EPHB3: variants seen among roughly 807,000 people sequenced by gnomAD.
EPHB3 encodes the protein ephrin type-B receptor 3.
A neutral mutation model predicts 100.2 loss-of-function variants in EPHB3; 33 were observed. The observed-to-expected ratio is 0.33, with a 90% CI of 0.25 to 0.44. The LOEUF is 0.44. Among genes scored for constraint, EPHB3 ranks in the 20% least tolerant of loss-of-function variants. The pLI, the probability that EPHB3 is intolerant of heterozygous loss-of-function variation, is 1.00. For missense variants in EPHB3, 1,045 were observed against 1,378.3 expected (o/e 0.76, Z 3.83); for synonymous variants, 526 against 554.7 (o/e 0.95, Z 0.73).
At chr3:184,575,137 A>G (rs1179408142) in intron 3 of EPHB3, 2 of 985,310 alleles carry the variant, frequency 2.0e-6, no homozygotes, top group African/African-American at 1.7e-5. Flanking sequence ...CAGGGGCCCA[A>G]GGGTAGATGG....
chr3:184,580,181 T>C (rs2108440013), intron 11 of EPHB3, among the ~76,000 whole-genome samples: 1 of 152,350 alleles, frequency 6.6e-6, no homozygotes. Flanking sequence ...GGTTGTAGAA[T>C]GGCAGTGGTA....
At chr3:184,574,852 C>T (rs1714634633) in intron 3 of EPHB3, among the ~76,000 whole-genome samples, 1 of 152,240 alleles carries the variant, frequency 6.6e-6, no homozygotes, top group African/African-American at 2.4e-5. Flanking sequence ...CCCCCTCCCC[C>T]ACTGGCTCAA....
chr3:184,564,928 G>A (rs928004541), intron 1 of EPHB3, among the ~76,000 whole-genome samples: 3 of 152,058 alleles, frequency 2.0e-5, no homozygotes, highest in Non-Finnish European at 4.4e-5. Flanking sequence ...CTACCATTTG[G>A]TTTCGTCAGG....
intron 1 of EPHB3, among the ~76,000 whole-genome samples, chr3:184,567,341 C>A (rs978872355): frequency 1.3e-5 from 2 of 152,224 alleles, no homozygotes; most frequent in Non-Finnish European, 2.9e-5. Context: ...GCTTCCCTTG[C>A]AAGAGTGGCC....
rs766018310 is a variant in EPHB3 at position 184,578,043 on chromosome 3, C to G, written c.1748+37C>G. On this transcript the variant is annotated intron_variant, in intron 8 of 15. Transcript: ENST00000330394. This position sits in a 1 kb window ranked among gnomAD's most constrained non-coding sequence, Gnocchi z 4.7. Reference sequence around the variant, plus strand: ...CCCACTGTTGCTCCATGGGCCGCCTCGAACTGCCCTTTAGCATCCTAGAGC... The same window carrying G: ...CCCACTGTTGCTCCATGGGCCGCCTGGAACTGCCCTTTAGCATCCTAGAGC... 4 of 1,604,832 alleles carry G rather than the reference C, an allele frequency of 2.5e-6. No individual in the cohort carries two copies. Among genetic ancestry groups the G allele is most frequent in the Non-Finnish European group, 2.6e-6 (3 of 1,173,314 alleles).
intron 3 of EPHB3, among the ~76,000 whole-genome samples, chr3:184,574,691 G>C: frequency 6.6e-6 from 1 of 152,204 alleles, no homozygotes; most frequent in East Asian, 1.9e-4. Flanking sequence ...TCCACTTCTC[G>C]ATGGGAATCT....
chr3:184,573,770 T>A lies in EPHB3; in HGVS notation c.856+594T>A, dbSNP rs1714601682. Among the ~76,000 whole-genome samples the A allele has an allele frequency of 6.7e-6, 1 of 148,420 alleles. No individual in the cohort carries two copies. The highest frequency in any genetic ancestry group is 2.1e-4 in the South Asian group (1 of 4,696). ...TTCACAATTGTTGCCTAGGCTGGAG[T>A]GCAATGGCGCGATCTTGGCTTGCTG... On this transcript the variant is annotated intron_variant, in intron 3 of 15. Coordinates refer to ENST00000330394, the MANE Select transcript of EPHB3 (RefSeq NM_004443.4). This position sits in a 1 kb window ranked among gnomAD's most constrained non-coding sequence, Gnocchi z 4.5.
chr3:184,567,483 GTGTGT>G (rs1714416924), intron 1 of EPHB3, among the ~76,000 whole-genome samples: 3 of 83,034 alleles, frequency 3.6e-5, no homozygotes, highest in African/African-American at 1.2e-4. Flanking sequence ...CTTGCAGGGT[GTGTGT>G]GTGTGTGTGT....
intron 1 of EPHB3, among the ~76,000 whole-genome samples, chr3:184,568,592 A>ACCCCCCCCCCCCC (rs113185340): frequency 1.5e-5 from 2 of 131,102 alleles, no homozygotes; most frequent in African/African-American, 2.9e-5. Context: ...GGGTTCTATG[A>ACCCCCCCCCCCCC]CCCCCCCCCC....
At position 184,577,102 on chromosome 3, in the gene EPHB3, G is replaced by A; in HGVS notation, c.1273G>A (p.Val425Met). The change falls in exon 5 of 16, where the codon GTG becomes ATG. Residue 425 changes from valine (V) to methionine (M), a missense_variant. Coordinates refer to ENST00000330394, the MANE Select transcript of EPHB3 (RefSeq NM_004443.4). The surrounding 1 kb of genome is among the most constrained non-coding windows in gnomAD (Gnocchi z 4.9). ...LLAHTRYTFE[V>M]QAVNGVSGKS... ...GGCCCACACGCGCTACACCTTTGAG[G>A]TGCAGGCGGTCAACGGTGTCTCGGG... is the stretch of plus-strand genomic sequence containing the variant. 6.2e-7 allele frequency: 1 copy of A among 1,613,138 alleles called. No homozygotes were observed. The highest frequency in any genetic ancestry group is 8.5e-7 in the Non-Finnish European group (1 of 1,179,602).
intron 1 of EPHB3, among the ~76,000 whole-genome samples, chr3:184,564,033 A>T (rs758476904): frequency 1.3e-5 from 2 of 151,504 alleles, no homozygotes; most frequent in African/African-American, 2.4e-5. Flanking sequence ...TTCAACCCTC[A>T]TCACCTACTG....
chr3:184,580,656 C>T (rs1450428310), intron 12 of EPHB3, 39 bp downstream of exon 12: 8 of 1,609,634 alleles, frequency 5.0e-6, no homozygotes, highest in Non-Finnish European at 6.8e-6. Context: ...GGGGCGGGGC[C>T]TATCAGCCAG....
chr3:184,562,680 C>G lies in EPHB3; in HGVS notation c.118+327C>G, dbSNP rs533293012. Among the ~76,000 whole-genome samples, 121 of 151,982 alleles carry G rather than the reference C, an allele frequency of 8.0e-4. No individual in the cohort carries two copies. The highest frequency in any genetic ancestry group is 2.2e-4 in the Non-Finnish European group (15 of 67,944). ...AGAGAAGTGGGGCTCCCGGCACCCCCCGAAGTCGAGGACGTGTGGGCGACC... is the reference window on the plus strand; with the variant it reads ...AGAGAAGTGGGGCTCCCGGCACCCCGCGAAGTCGAGGACGTGTGGGCGACC... On this transcript the variant is annotated intron_variant, in intron 1 of 15. Coordinates refer to ENST00000330394, the MANE Select transcript of EPHB3 (RefSeq NM_004443.4). This position sits in a 1 kb window ranked among gnomAD's most constrained non-coding sequence, Gnocchi z 4.8.
In EPHB3 at chr3:184,579,590, A is replaced by G; in HGVS notation, c.1915A>G (p.Ile639Val). The G allele has an allele frequency of 1.2e-6, 2 of 1,613,882 alleles. No individual in the cohort carries two copies. The highest frequency in any genetic ancestry group is 3.3e-4 in the Middle Eastern group (2 of 6,062). Residue 639 changes from isoleucine to valine, a missense_variant, in exon 10 of 16, where the codon ATC becomes GTC. Ile to Val is a conservative substitution (Grantham distance 29). Around this residue, in one of 2 missense-constraint regions of EPHB3, gnomAD observed 985 missense variants for 1,331.1 expected, o/e 0.74. Coordinates refer to ENST00000330394, the MANE Select transcript of EPHB3 (RefSeq NM_004443.4). This position sits in a 1 kb window ranked among gnomAD's most constrained non-coding sequence, Gnocchi z 5.2. ...DVSCVKIEEV[I>V]GAGEFGEVCR... Reference sequence around the variant, plus strand: ...GTCCTGCGTCAAGATCGAGGAGGTGATCGGAGCTGGTGAGTCTCCCGGGGC... The same window carrying G: ...GTCCTGCGTCAAGATCGAGGAGGTGGTCGGAGCTGGTGAGTCTCCCGGGGC...
chr3:184,576,991 G>T lies in EPHB3; in HGVS notation c.1162G>T (p.Ala388Ser). 6.2e-7 allele frequency: 1 copy of T among 1,613,834 alleles called. No individual in the cohort carries two copies. The highest frequency in any genetic ancestry group is 8.5e-7 in the Non-Finnish European group (1 of 1,179,902). Residue 388 changes from alanine to serine, a missense_variant, in exon 5 of 16, where the codon GCC becomes TCC. By Grantham distance (99) the Ala-to-Ser change is moderately conservative (BLOSUM62 1). Coordinates refer to ENST00000330394, the MANE Select transcript of EPHB3 (RefSeq NM_004443.4). ...KKCHGAGGAS[A>S]CSRCDDNVEF... ...GTGCCATGGGGCTGGAGGGGCCTCAGCCTGCTCACGCTGTGATGACAACGT... is the reference window on the plus strand; with the variant it reads ...GTGCCATGGGGCTGGAGGGGCCTCATCCTGCTCACGCTGTGATGACAACGT...
rs1577519381 is a variant in EPHB3 at position 184,562,998 on chromosome 3, G to C, written c.118+645G>C. ...GGCTTGGGTCTCCATTTGAACCCCT[G>C]AAGTTGCGGGATTTGCCCCAGGTAG... On this transcript the variant is annotated intron_variant, in intron 1 of 15. Coordinates refer to ENST00000330394, the MANE Select transcript of EPHB3 (RefSeq NM_004443.4). The surrounding 1 kb of genome is among the most constrained non-coding windows in gnomAD (Gnocchi z 4.8). Among the ~76,000 whole-genome samples, 2 of 152,248 alleles carry C rather than the reference G, an allele frequency of 1.3e-5. No homozygotes were observed. The highest frequency in any genetic ancestry group is 3.9e-4 in the East Asian group (2 of 5,194).
chr3:184,572,416 G>A lies in EPHB3; in HGVS notation c.184-88G>A. 7.0e-7 allele frequency: 1 copy of A among 1,421,018 alleles called. No individual in the cohort carries two copies. Among genetic ancestry groups the A allele is most frequent in the Non-Finnish European group, 9.3e-7 (1 of 1,073,586 alleles). 88.0% of individuals were successfully genotyped at this position (1,421,018 alleles called of 1,614,324 possible). ...CACTGCACACCATAGAAGCATCCCTGTGAAGTAAATAGAGCAGATCTGGGC... is the reference window on the plus strand; with the variant it reads ...CACTGCACACCATAGAAGCATCCCTATGAAGTAAATAGAGCAGATCTGGGC... On this transcript the variant is annotated intron_variant, in intron 2 of 15. Transcript: ENST00000330394. This position sits in a 1 kb window ranked among gnomAD's most constrained non-coding sequence, Gnocchi z 6.6.
intron 1 of EPHB3, among the ~76,000 whole-genome samples, chr3:184,564,744 C>T (rs1377201569): frequency 6.6e-6 from 1 of 152,096 alleles, no homozygotes; most frequent in Non-Finnish European, 1.5e-5. Flanking sequence ...GAGAGCTGGC[C>T]CAGTGGGCAG....
chr3:184,575,361 A>T (rs1317378335), intron 3 of EPHB3, among the ~76,000 whole-genome samples: 1 of 152,138 alleles, frequency 6.6e-6, no homozygotes, highest in South Asian at 2.1e-4. Flanking sequence ...CGAGAGCTTC[A>T]CTGTGAAGGT....
Sources: allele counts gnomAD v4.1 joint callset (sites outside exome capture counted in the v4.1 genomes callset), GRCh38; gene constraint gnomAD v4.1.1; regional missense constraint gnomAD v4.1.1; non-coding constraint Gnocchi (gnomAD v3.1); transcripts MANE v1.5; gene names NCBI Gene and HGNC (gene_info 2026-07-23, HGNC 2026-07-21).